LNPK: variants seen among roughly 807,000 people sequenced by gnomAD.
LNPK encodes lunapark, ER junction formation factor, also known as endoplasmic reticulum junction formation protein lunapark.
A neutral mutation model predicts 55.2 loss-of-function variants in LNPK; 29 were observed. The observed-to-expected ratio is 0.53, with a 90% CI of 0.39 to 0.72. The LOEUF is 0.72. Among genes scored for constraint, LNPK ranks in the 30% least tolerant of loss-of-function variants. The probability of loss-of-function intolerance (pLI) is 0.00; values close to 1 mark genes in which losing one functional copy is unlikely to be tolerated. For missense variants in LNPK, 467 were observed against 494.8 expected (o/e 0.94, Z 0.53); for synonymous variants, 162 against 168.2 (o/e 0.96, Z 0.29).
upstream of LNPK, chr2:176,002,503 AT>A (rs1209718451): frequency 4.7e-6 from 1 of 211,970 alleles, no homozygotes; most frequent in Non-Finnish European, 9.7e-6. Context: ...GAATATAGTT[AT>A]TTCTTACTCT....
chr2:175,967,626 T>A (rs979599086), intron 6 of LNPK: 110 of 984,382 alleles, frequency 1.1e-4, no homozygotes, highest in Non-Finnish European at 1.2e-4. Context: ...TTATACCATA[T>A]AAACTCATCC....
chr2:175,935,086 AT>A (rs1215242246), intron 12 of LNPK, among the ~76,000 whole-genome samples: 1 of 152,148 alleles, frequency 6.6e-6, no homozygotes, highest in Non-Finnish European at 1.5e-5. Flanking sequence ...TGAAAAAAAA[AT>A]ATTTCTTCTA....
rs1559082657 is a variant in LNPK, at chr2:176,002,152, C to G, written c.-63+8G>C. 2.3e-6 allele frequency: 1 copy of G among 442,924 alleles called. No individual in the cohort carries two copies. The highest frequency in any genetic ancestry group is 4.5e-6 in the Non-Finnish European group (1 of 221,668). The allele number at this position is 442,924 out of a possible 1,614,324, so 27.4% of individuals were successfully genotyped here. On this transcript the variant is annotated splice_region_variant and intron_variant, in intron 1 of 12. Coordinates refer to ENST00000272748, the MANE Select transcript of LNPK (RefSeq NM_030650.3). ...CCCTCCCAACTGCCCTCGCCTTGAG[C>G]GTTCTACCTGCAAGAAGCGGGCGCA... is the stretch of plus-strand genomic sequence containing the variant.
At position 175,995,577 on chromosome 2, in the gene LNPK, C is replaced by T. The variant is rs185936428; in HGVS notation, c.8G>A (p.Gly3Glu). The T allele has an allele frequency of 1.9e-6, 3 of 1,609,854 alleles. No individual in the cohort carries two copies. The Admixed American group carries it at 5.0e-5, about 27-fold the overall frequency. The change falls in exon 2 of 13, where the codon GGA becomes GAA. Residue 3 changes from glycine (G) to glutamate (E), a missense_variant. Gly to Glu is a moderately conservative substitution (Grantham distance 98). Transcript: ENST00000272748. Reference sequence around the variant, plus strand: ...CCTTACCCTCCATCGAGAAAATAATCCACCCATCTTTTATTTGTAGAAACT... The same window carrying T: ...CCTTACCCTCCATCGAGAAAATAATTCACCCATCTTTTATTTGTAGAAACT... MG[G>E]LFSRWRTKPS...
At chr2:175,933,649 C>T (rs1173045851) in intron 12 of LNPK, among the ~76,000 whole-genome samples, 2 of 151,502 alleles carry the variant, frequency 1.3e-5, no homozygotes, top group Non-Finnish European at 2.9e-5. Flanking sequence ...TATAACCACT[C>T]ATAATAGCTA....
At position 175,929,660 on chromosome 2, in the gene LNPK, C is replaced by T. The variant is rs2289966; in HGVS notation, c.*307G>A. The stretch of plus-strand genomic sequence containing the variant: ...TCAAAATGGATATTTACGGGTTATA[C>T]ATACAGAAAACAAGAAGGCAATCAT... On this transcript the variant is annotated 3_prime_UTR_variant, in exon 13 of 13. Coordinates refer to ENST00000272748, the MANE Select transcript of LNPK (RefSeq NM_030650.3). 0.067 allele frequency: 75,829 copies of T among 1,128,772 alleles called. 3,309 individuals carry two copies. Among genetic ancestry groups the T allele is most frequent in the East Asian group, 0.24 (4,624 of 19,236 alleles). The allele number at this position is 1,128,772 out of a possible 1,614,324, so 69.9% of individuals were successfully genotyped here.
At chr2:175,949,364 G>A (rs1050949741) in intron 8 of LNPK, among the ~76,000 whole-genome samples, 2 of 151,900 alleles carry the variant, frequency 1.3e-5, no homozygotes, top group Non-Finnish European at 2.9e-5. Flanking sequence ...TGCTGCAAAA[G>A]GTACTGAAAT....
chr2:175,956,622 T>G (rs2105596214), intron 8 of LNPK, among the ~76,000 whole-genome samples: 1 of 152,320 alleles, frequency 6.6e-6, no homozygotes, highest in South Asian at 2.1e-4. Context: ...GTGAAAACAT[T>G]CTAAGCTGAA....
chr2:175,983,890 G>A (rs77488332), intron 4 of LNPK, among the ~76,000 whole-genome samples: 24,166 of 149,214 alleles, frequency 0.16, 2,102 homozygotes, highest in Non-Finnish European at 0.21. Context: ...AAACCACCTT[G>A]ACCTGAACCT....
chr2:175,929,814 A>C lies in LNPK; in HGVS notation c.*153T>G. ...TTTAATTTTAATACCCAGTATATAT[A>C]ACTTTGAGATGTTCAAATAGCTAGG... On this transcript the variant is annotated 3_prime_UTR_variant, in exon 13 of 13. Coordinates refer to ENST00000272748, the MANE Select transcript of LNPK (RefSeq NM_030650.3). The C allele has an allele frequency of 6.9e-7, 1 of 1,449,070 alleles. No homozygotes were observed. The highest frequency in any genetic ancestry group is 1.4e-5 in the African/African-American group (1 of 69,920). The allele number at this position is 1,449,070 out of a possible 1,614,324, so 89.8% of individuals were successfully genotyped here. A position where few individuals can be genotyped will look rare whatever the true frequency, so the allele number is the denominator to read the frequency against.
At chr2:175,947,267 C>G (rs1489025014) in intron 9 of LNPK, among the ~76,000 whole-genome samples, 1 of 152,104 alleles carries the variant, frequency 6.6e-6, no homozygotes, top group Non-Finnish European at 1.5e-5. Context: ...GAAGCCATAA[C>G]AGTTAAATGA....
At position 175,939,606 on chromosome 2, in the gene LNPK, C is replaced by G; in HGVS notation, c.758G>C (p.Arg253Pro). The change falls in exon 10 of 13, where the codon CGA (arginine) becomes CCA (proline). Residue 253 changes from arginine to proline, a missense_variant. By Grantham distance (103) the Arg-to-Pro change is moderately radical. Transcript: ENST00000272748. ...TTCAACAATTCTATCCAAAGCACCT[C>G]GTTCTCGGGGGAGAATAGGTCTTGC... ...PLARPILPRERGALDRIVEYL... is the reference protein window; with the variant it reads ...PLARPILPREPGALDRIVEYL... 6.2e-7 allele frequency: 1 copy of G among 1,608,764 alleles called. No homozygotes were observed.
intron 8 of LNPK, among the ~76,000 whole-genome samples, chr2:175,960,525 C>A (rs945708743): frequency 6.6e-6 from 1 of 152,134 alleles, no homozygotes; most frequent in Non-Finnish European, 1.5e-5. Context: ...AACAAAGACA[C>A]AACATATCAG....
intron 9 of LNPK, among the ~76,000 whole-genome samples, chr2:175,944,732 A>G (rs1261183922): frequency 6.6e-6 from 1 of 152,196 alleles, no homozygotes; most frequent in East Asian, 1.9e-4. Flanking sequence ...TCAAGTATTC[A>G]AGATGGCTTT....
chr2:175,959,699 T>C (rs907969286), intron 8 of LNPK, among the ~76,000 whole-genome samples: 9 of 152,138 alleles, frequency 5.9e-5, no homozygotes, highest in Non-Finnish European at 1.0e-4. Context: ...AGGATCAAAT[T>C]CACATATAAC....
At chr2:175,947,452 T>G (rs1275275754) in intron 9 of LNPK, 28 bp downstream of exon 9, 2 of 1,582,998 alleles carry the variant, frequency 1.3e-6, no homozygotes, top group Non-Finnish European at 1.7e-6. Flanking sequence ...CAATATAAAC[T>G]GTAAATAACA....
At position 175,999,100 on chromosome 2, in the gene LNPK, C is replaced by T. The variant is rs1688067659; in HGVS notation, c.-63+3060G>A. Among the ~76,000 whole-genome samples the T allele has an allele frequency of 2.0e-5, 3 of 152,342 alleles. No homozygotes were observed. The South Asian group carries it at 6.2e-4, about 32-fold the overall frequency. On this transcript the variant is annotated intron_variant, in intron 1 of 12. Coordinates refer to ENST00000272748, the MANE Select transcript of LNPK (RefSeq NM_030650.3). The stretch of plus-strand genomic sequence containing the variant: ...ATAATCAAAGAACAGTCAACCAGCA[C>T]AGTTTCAGCAATTTTTCTATCAAAT...
Position 175,937,379 on chromosome 2 carries a change from C to A in LNPK, c.1019G>T (p.Gly340Val). ...CTGGTTGTCTGATGAAAGCACACTT[C>A]CTGATGGCAAGGGACCAACTGAACT... is the stretch of plus-strand genomic sequence containing the variant. ...GSSSVGPLPS[G>V]SVLSSDNQFN... The change falls in exon 12 of 13, where the codon GGA becomes GTA. Residue 340 changes from glycine to valine, a missense_variant. Gly to Val is a moderately radical substitution (Grantham distance 109). Transcript: ENST00000272748. 7 of 1,613,702 alleles carry A rather than the reference C, an allele frequency of 4.3e-6. No homozygotes were observed. The highest frequency in any genetic ancestry group is 5.9e-6 in the Non-Finnish European group (7 of 1,179,752).
chr2:175,976,110 A>C (rs1686901344), intron 5 of LNPK, among the ~76,000 whole-genome samples: 1 of 152,198 alleles, frequency 6.6e-6, no homozygotes, highest in African/African-American at 2.4e-5. Flanking sequence ...TGAACAAAGG[A>C]GAGTGAAAGA....
Sources: gnomAD v4.1 joint callset for allele counts (sites outside exome capture counted in the v4.1 genomes callset) on GRCh38, gnomAD v4.1.1 for gene constraint, MANE v1.5 for transcripts, NCBI Gene and HGNC (gene_info 2026-07-23, HGNC 2026-07-21) for gene names.